MAP2: variants seen among roughly 807,000 people sequenced by gnomAD.
MAP2 encodes the protein microtubule-associated protein 2.
MAP2 carries 14 observed loss-of-function variants against 137.6 expected under a neutral mutation model. The observed-to-expected ratio is 0.10, with a 90% CI of 0.07 to 0.16. The LOEUF is 0.16. Ranked by LOEUF, MAP2 falls within the 10% of genes least tolerant of loss-of-function variation. The pLI, the probability that MAP2 is intolerant of heterozygous loss-of-function variation, is 1.00. For synonymous variants in MAP2, 786 were observed against 782.3 expected (o/e 1.00, Z -0.08); for missense variants, 2,088 against 2,191.5 (o/e 0.95, Z 0.94).
At chr2:209,688,293 G>T (rs2057751864) in intron 7 of MAP2, among the ~76,000 whole-genome samples, 2 of 152,048 alleles carry the variant, frequency 1.3e-5, no homozygotes, top group Admixed American at 1.3e-4. Flanking sequence ...AGCTGGGGAA[G>T]AACATATTCT....
intron 3 of MAP2, among the ~76,000 whole-genome samples, chr2:209,593,120 C>T (rs2079730227): frequency 6.6e-6 from 1 of 151,678 alleles, no homozygotes; most frequent in Non-Finnish European, 1.5e-5. Context: ...TTCTTATTTT[C>T]TGATTGATAC....
intron 1 of MAP2, among the ~76,000 whole-genome samples, chr2:209,439,064 A>G (rs1222947576): frequency 6.6e-6 from 1 of 151,510 alleles, no homozygotes; most frequent in African/African-American, 2.4e-5. Flanking sequence ...ATTTGAAGTT[A>G]TACATGAACA....
At chr2:209,443,607 C>A (rs1698353964) in intron 1 of MAP2, among the ~76,000 whole-genome samples, 1 of 151,648 alleles carries the variant, frequency 6.6e-6, no homozygotes, top group Non-Finnish European at 1.5e-5. Flanking sequence ...CATTATTACA[C>A]CCTATCCTGG....
At position 209,486,695 on chromosome 2, in the gene MAP2, T is replaced by C. The variant is rs1053383721; in HGVS notation, c.-221-20897T>C. Among the ~76,000 whole-genome samples, 7 of 152,226 alleles carry C rather than the reference T, an allele frequency of 4.6e-5. No individual in the cohort carries two copies. The East Asian group carries it at 1.3e-3, about 29-fold the overall frequency. ...TGTTTTGCTTGTGGTTTTAAATACG[T>C]TATTGAAAAATTACAAATATAAGAT... On this transcript the variant is annotated intron_variant, in intron 1 of 15. Coordinates refer to ENST00000682079, the MANE Select transcript of MAP2 (RefSeq NM_001375505.1).
Position 209,531,556 on chromosome 2 carries a change from G to A in MAP2, c.-172+23915G>A, listed in dbSNP as rs116169577. 8.7e-3 allele frequency among the ~76,000 whole-genome samples: 1,325 copies of A among 152,292 alleles called. 21 individuals are homozygous for A. Among genetic ancestry groups the A allele is most frequent in the African/African-American group, 0.031 (1,279 of 41,568 alleles). ...TGTCAACTTTGAGAATAATGAGTCAGAAGTTGAGGAAAATTTACCTTCAAT... is the reference window on the plus strand; with the variant it reads ...TGTCAACTTTGAGAATAATGAGTCAAAAGTTGAGGAAAATTTACCTTCAAT... On this transcript the variant is annotated intron_variant, in intron 2 of 15. Transcript: ENST00000682079.
intron 3 of MAP2, among the ~76,000 whole-genome samples, chr2:209,594,752 T>C (rs2080786020): frequency 6.6e-6 from 1 of 152,226 alleles, no homozygotes. Context: ...TTTCATTGTT[T>C]TACCTCTAGT....
rs943300774 is a variant in MAP2 at position 209,431,869 on chromosome 2, C to T, written c.-222+7593C>T. Among the ~76,000 whole-genome samples, 7 of 152,184 alleles carry T rather than the reference C, an allele frequency of 4.6e-5. No individual in the cohort carries two copies. The East Asian group carries it at 1.2e-3, about 25-fold the overall frequency. On this transcript the variant is annotated intron_variant, in intron 1 of 15. Coordinates refer to ENST00000682079, the MANE Select transcript of MAP2 (RefSeq NM_001375505.1). Reference sequence around the variant, plus strand: ...GGAATTCTAGGGTTATTCCAACCAGCTACATGCCAGCTACACTACTGTAAG... The same window carrying T: ...GGAATTCTAGGGTTATTCCAACCAGTTACATGCCAGCTACACTACTGTAAG...
chr2:209,587,092 G>A (rs1268015183), intron 3 of MAP2, among the ~76,000 whole-genome samples: 2 of 151,998 alleles, frequency 1.3e-5, no homozygotes, highest in African/African-American at 2.4e-5. Flanking sequence ...GTTTGGGGAC[G>A]TGGTTCTATA....
At chr2:209,473,603 T>C (rs1706375049) in intron 1 of MAP2, among the ~76,000 whole-genome samples, 1 of 151,984 alleles carries the variant, frequency 6.6e-6, no homozygotes, top group Non-Finnish European at 1.5e-5. Flanking sequence ...TACTTAGGGG[T>C]ATAGAAACAG....
chr2:209,548,583 T>C (rs766146463), intron 2 of MAP2, among the ~76,000 whole-genome samples: 54 of 152,156 alleles, frequency 3.5e-4, no homozygotes, highest in Non-Finnish European at 3.4e-4. Flanking sequence ...AATGATACCA[T>C]AAGAGACTAA....
rs868770250 is a variant in MAP2, at chr2:209,693,899, G to T, written c.1729G>T (p.Ala577Ser). The change falls in exon 8 of 16, where the codon GCC becomes TCC. Residue 577 changes from alanine (A) to serine (S), a missense_variant. Physicochemically the swap from Ala to Ser is moderately conservative, Grantham distance 99. Transcript: ENST00000682079. ...SGMSKYFETS[A>S]LKEEATKSIE... ...AATGTCCAAGTACTTTGAAACATCT[G>T]CCTTGAAAGAAGAAGCAACAAAAAG... 6.2e-7 allele frequency: 1 copy of T among 1,611,200 alleles called. No individual in the cohort carries two copies. The highest frequency in any genetic ancestry group is 8.5e-7 in the Non-Finnish European group (1 of 1,179,144).
intron 1 of MAP2, among the ~76,000 whole-genome samples, chr2:209,484,968 G>A (rs1184936100): frequency 4.6e-5 from 7 of 152,284 alleles, no homozygotes; most frequent in South Asian, 2.1e-4. Flanking sequence ...ATAGAAACGC[G>A]ATAGCAGTTG....
intron 1 of MAP2, among the ~76,000 whole-genome samples, chr2:209,472,005 A>G (rs758519258): frequency 1.1e-4 from 17 of 152,264 alleles, no homozygotes; most frequent in Admixed American, 3.9e-4. Flanking sequence ...CTTCATCCCA[A>G]TGATTTTCCA....
intron 3 of MAP2, among the ~76,000 whole-genome samples, chr2:209,611,276 T>G (rs2086770717): frequency 6.6e-6 from 1 of 152,066 alleles, no homozygotes; most frequent in Admixed American, 6.6e-5. Context: ...CTACAGACAT[T>G]TGGAATCAGA....
chr2:209,469,756 T>C (rs184067203), intron 1 of MAP2, among the ~76,000 whole-genome samples: 4 of 152,298 alleles, frequency 2.6e-5, no homozygotes, highest in African/African-American at 9.6e-5. Context: ...TAAGCAAGTG[T>C]AGTTCATTCT....
intron 3 of MAP2, among the ~76,000 whole-genome samples, chr2:209,583,751 G>A (rs974726232): frequency 2.8e-5 from 4 of 142,394 alleles, no homozygotes; most frequent in African/African-American, 5.2e-5. Context: ...CACTGGTACC[G>A]TAAGAGAGAC....
At chr2:209,610,328 A>G (rs2086384998) in intron 3 of MAP2, among the ~76,000 whole-genome samples, 1 of 152,126 alleles carries the variant, frequency 6.6e-6, no homozygotes, top group South Asian at 2.1e-4. Context: ...AGGTTAAATG[A>G]TGCCAAATCT....
intron 7 of MAP2, chr2:209,690,995 G>A (rs750043108): frequency 1.3e-6 from 1 of 793,992 alleles, no homozygotes; most frequent in African/African-American, 1.8e-5. Flanking sequence ...AATGTGCAGA[G>A]AGTGTGGCTT....
At chr2:209,622,477 A>G (rs995124364) in intron 3 of MAP2, among the ~76,000 whole-genome samples, 13 of 152,212 alleles carry the variant, frequency 8.5e-5, no homozygotes, top group African/African-American at 2.9e-4. Flanking sequence ...GGGGACAATA[A>G]TAGAGGATGA....
Sources: allele counts gnomAD v4.1 joint callset (sites outside exome capture counted in the v4.1 genomes callset), GRCh38; gene constraint gnomAD v4.1.1; transcripts MANE v1.5; gene names NCBI Gene and HGNC (gene_info 2026-07-23, HGNC 2026-07-21).